Variants in ACOXL observed in about 807,000 individuals in gnomAD.
ACOXL encodes the protein acyl-coenzyme A oxidase-like protein.
In ACOXL, 70 loss-of-function variants were observed where a neutral mutation model predicts 71.9. The observed-to-expected ratio is 0.97, with a 90% CI of 0.80 to 1.19. ACOXL has a LOEUF of 1.19. ACOXL is among the 50% of genes most tolerant of loss of function. ACOXL has a pLI of 0.00. For synonymous variants in ACOXL, 253 were observed against 281.6 expected (o/e 0.90, Z 1.02); for missense variants, 703 against 736.3 (o/e 0.95, Z 0.52).
intron 10 of ACOXL, among the ~76,000 whole-genome samples, chr2:110,868,008 G>A (rs1479336839): frequency 1.3e-5 from 2 of 151,934 alleles, no homozygotes; most frequent in South Asian, 2.1e-4. Context: ...TGATCCACCC[G>A]CCTCAGCCTC....
At chr2:110,957,153 C>T (rs2061531409) in intron 12 of ACOXL, among the ~76,000 whole-genome samples, 1 of 151,666 alleles carries the variant, frequency 6.6e-6, no homozygotes. Flanking sequence ...GTTTTTTCTG[C>T]TACCACCCTT....
intron 16 of ACOXL, among the ~76,000 whole-genome samples, chr2:111,072,015 C>T (rs2067364799): frequency 6.6e-6 from 1 of 152,110 alleles, no homozygotes; most frequent in African/African-American, 2.4e-5. Context: ...GCTGTGGGAA[C>T]TCAGGAAGGG....
rs116791272 is a variant in ACOXL at position 111,000,687 on chromosome 2, C to T, written c.1281+4683C>T. On this transcript the variant is annotated intron_variant, in intron 14 of 17. Coordinates refer to ENST00000439055, the MANE Select transcript of ACOXL (RefSeq NM_001142807.4). ...TGCTTGATATTCCTTGGCTTGCAGCCGCATCTCTCCAGGCTCCCCCTCTGT... is the reference window on the plus strand; with the variant it reads ...TGCTTGATATTCCTTGGCTTGCAGCTGCATCTCTCCAGGCTCCCCCTCTGT... Among the ~76,000 whole-genome samples the T allele has an allele frequency of 2.1e-3, 314 of 152,314 alleles. 1 individual carries two copies. Among genetic ancestry groups the T allele is most frequent in the African/African-American group, 7.2e-3 (299 of 41,572 alleles).
At chr2:110,841,271 A>G in intron 9 of ACOXL, 100 bp from the exon 10 acceptor site, 2 of 844,826 alleles carry the variant, frequency 2.4e-6, no homozygotes, top group Non-Finnish European at 3.8e-6. Context: ...ATTTTAGAAA[A>G]TCTTTAAAAC....
chr2:110,897,953 A>C (rs2059080074), intron 10 of ACOXL, among the ~76,000 whole-genome samples: 1 of 151,784 alleles, frequency 6.6e-6, no homozygotes, highest in African/African-American at 2.4e-5. Flanking sequence ...TAATAAGAGA[A>C]TACTAGGAAC....
At chr2:110,998,040 G>C (rs748239118) in intron 14 of ACOXL, among the ~76,000 whole-genome samples, 3 of 145,898 alleles carry the variant, frequency 2.1e-5, no homozygotes, top group Admixed American at 1.4e-4. Context: ...AACAGAGAGA[G>C]ACCCTGTCTC....
intron 10 of ACOXL, among the ~76,000 whole-genome samples, chr2:110,891,257 G>T (rs1369088896): frequency 6.6e-6 from 1 of 151,836 alleles, no homozygotes; most frequent in Admixed American, 6.6e-5. Flanking sequence ...TAGCTTTCTG[G>T]ATACCTAAAG....
At chr2:111,054,705 T>C (rs1282352215) in intron 16 of ACOXL, among the ~76,000 whole-genome samples, 1 of 152,212 alleles carries the variant, frequency 6.6e-6, no homozygotes, top group Admixed American at 6.5e-5. Flanking sequence ...ACCCTTTCTC[T>C]GTCTAATTAC....
intron 15 of ACOXL, among the ~76,000 whole-genome samples, chr2:111,039,857 A>C (rs779440902): frequency 4.1e-4 from 62 of 152,244 alleles, no homozygotes; most frequent in Non-Finnish European, 8.2e-4. Flanking sequence ...AAAGTGCACG[A>C]ATCATGCAAG....
At chr2:110,765,958 TATC>T (rs1681003752) in intron 1 of ACOXL, among the ~76,000 whole-genome samples, 1 of 152,242 alleles carries the variant, frequency 6.6e-6, no homozygotes, top group Admixed American at 6.5e-5. Flanking sequence ...AAAATTTGGT[TATC>T]ATATTTTTCA....
chr2:110,800,972 T>C (rs1204634539), intron 7 of ACOXL, among the ~76,000 whole-genome samples: 1 of 152,178 alleles, frequency 6.6e-6, no homozygotes, highest in Non-Finnish European at 1.5e-5. Flanking sequence ...TGTGTCCTTG[T>C]CAAGGGGTGA....
At chr2:110,976,205 A>C (rs2062438095) in intron 12 of ACOXL, among the ~76,000 whole-genome samples, 1 of 152,218 alleles carries the variant, frequency 6.6e-6, no homozygotes, top group South Asian at 2.1e-4. Flanking sequence ...GATTGACCAC[A>C]GACCTCTCAA....
intron 14 of ACOXL, among the ~76,000 whole-genome samples, chr2:111,016,298 G>T (rs912662615): frequency 1.3e-5 from 2 of 152,090 alleles, no homozygotes; most frequent in African/African-American, 4.8e-5. Flanking sequence ...ACTGCCTGGT[G>T]GGGGAGTTCA....
At chr2:111,038,132 A>T (rs750605398) in intron 15 of ACOXL, among the ~76,000 whole-genome samples, 6 of 152,182 alleles carry the variant, frequency 3.9e-5, no homozygotes, top group Non-Finnish European at 7.3e-5. Context: ...GAGCAACTCT[A>T]ATCCCCCACT....
intron 16 of ACOXL, among the ~76,000 whole-genome samples, chr2:111,065,033 G>A (rs2066997351): frequency 6.6e-6 from 1 of 152,076 alleles, no homozygotes. Context: ...GAAAGGCAAA[G>A]GAACTAGAAT....
chr2:110,746,562 A>C (rs748400058), intron 1 of ACOXL, among the ~76,000 whole-genome samples: 1 of 152,066 alleles, frequency 6.6e-6, no homozygotes, highest in Admixed American at 6.5e-5. Flanking sequence ...GCCTGCCTCC[A>C]TGAGGGGGCT....
chr2:110,782,527 A>G (rs558897851), intron 2 of ACOXL, among the ~76,000 whole-genome samples: 6 of 152,326 alleles, frequency 3.9e-5, no homozygotes, highest in African/African-American at 1.2e-4. Context: ...GCAAACTCCT[A>G]TTGTCATTTC....
At chr2:110,915,782 T>A (rs554282927) in intron 11 of ACOXL, among the ~76,000 whole-genome samples, 4 of 152,062 alleles carry the variant, frequency 2.6e-5, no homozygotes, top group Admixed American at 6.6e-5. Context: ...TTGATAAGGA[T>A]TTTTTGTGTC....
intron 1 of ACOXL, among the ~76,000 whole-genome samples, chr2:110,749,447 C>T (rs543782662): frequency 2.9e-4 from 44 of 152,308 alleles, no homozygotes; most frequent in Admixed American, 9.8e-4. Flanking sequence ...ATTGACAGGC[C>T]GGACAGGGTG....
Sources: gnomAD v4.1 joint callset for allele counts (sites outside exome capture counted in the v4.1 genomes callset) on GRCh38, gnomAD v4.1.1 for gene constraint, MANE v1.5 for transcripts, NCBI Gene and HGNC (gene_info 2026-07-23, HGNC 2026-07-21) for gene names.